CCDC136: variants seen among roughly 807,000 people sequenced by gnomAD.
The protein encoded by CCDC136 is coiled-coil domain-containing protein 136.
A neutral mutation model predicts 141.2 loss-of-function variants in CCDC136; 100 were observed. That is an observed-to-expected ratio of 0.71 (90% confidence interval 0.60 to 0.84). CCDC136 has a LOEUF of 0.84. Ranked by LOEUF, CCDC136 falls within the 40% of genes least tolerant of loss-of-function variation. CCDC136 has a pLI of 0.00. For missense variants in CCDC136, 1,206 were observed against 1,379.4 expected (o/e 0.87, Z 1.99); for synonymous variants, 474 against 531.9 (o/e 0.89, Z 1.50).
chr7:128,806,913 G>A, intron 9 of CCDC136, 55 bp downstream of exon 9: 1 of 1,530,026 alleles, frequency 6.5e-7, no homozygotes, highest in South Asian at 1.3e-5. Flanking sequence ...TTGTGTGAGG[G>A]TGAGAGCACA....
intron 12 of CCDC136, chr7:128,811,194 A>C: frequency 4.8e-6 from 2 of 415,728 alleles, no homozygotes; most frequent in Non-Finnish European, 9.7e-6. Context: ...GGGGCATCAG[A>C]TGTCCAGGCT....
Position 128,810,189 on chromosome 7 carries a change from C to T in CCDC136, c.1851C>T (p.Leu617=), listed in dbSNP as rs751683342. 38 of 1,608,022 alleles carry T rather than the reference C, an allele frequency of 2.4e-5. No individual in the cohort carries two copies. Among genetic ancestry groups the T allele is most frequent in the Non-Finnish European group, 3.1e-5 (36 of 1,177,134 alleles). ...AAGACCTGTGTGAGCTGCAGCTGCTCTACCAAGGCATGCAGGAGGAACAGA... is the reference window on the plus strand; with the variant it reads ...AAGACCTGTGTGAGCTGCAGCTGCTTTACCAAGGCATGCAGGAGGAACAGA... The part of the protein sequence containing the change: ...KLEDLCELQL[L]YQGMQEEQKK... Residue 617 remains leucine, a synonymous_variant, in exon 12 of 18, where the codon CTC becomes CTT. Coordinates refer to ENST00000297788, the MANE Select transcript of CCDC136 (RefSeq NM_022742.5).
chr7:128,806,328 A>G lies in CCDC136; in HGVS notation c.1181A>G (p.Gln394Arg), dbSNP rs138494965. The G allele has an allele frequency of 2.9e-5, 46 of 1,599,684 alleles. No homozygotes were observed. In the African/African-American group the frequency reaches 5.7e-4, roughly 20 times the overall value. The change falls in exon 8 of 18, where the codon CAA (glutamine) becomes CGA (arginine). Residue 394 changes from glutamine to arginine, a missense_variant. By Grantham distance (43) the Gln-to-Arg change is conservative. Transcript: ENST00000297788. ...AACGAGCTCTTGAAGATGCAGCTGC[A>G]ACTTCAGACTGAGCTCCGGCAGCTC... Reference protein sequence around the residue: ...EQNELLKMQLQLQTELRQLKV... With the variant: ...EQNELLKMQLRLQTELRQLKV...
Position 128,804,768 on chromosome 7 carries a change from C to T in CCDC136, c.782+7C>T. The T allele has an allele frequency of 6.4e-7, 1 of 1,552,846 alleles. No individual in the cohort carries two copies. The highest frequency in any genetic ancestry group is 8.8e-7 in the Non-Finnish European group (1 of 1,136,784). ...CAGATCTGGAGAGTGAGAGGTACAG[C>T]TGTCTCTGGAGAGTGAGAGGTCATG... On this transcript the variant is annotated splice_region_variant and intron_variant, in intron 5 of 17. Coordinates refer to ENST00000297788, the MANE Select transcript of CCDC136 (RefSeq NM_022742.5).
intron 4 of CCDC136, among the ~76,000 whole-genome samples, chr7:128,802,843 G>A (rs61012549): frequency 0.15 from 22,740 of 151,934 alleles, 1,900 homozygotes; most frequent in East Asian, 0.22. Flanking sequence ...ATTTAAAGAA[G>A]AAAAAAACCT....
chr7:128,798,737 CAGT>C (rs1214582774), intron 3 of CCDC136, among the ~76,000 whole-genome samples: 1 of 152,090 alleles, frequency 6.6e-6, no homozygotes, highest in East Asian at 1.9e-4. Flanking sequence ...CTGTGCTGCT[CAGT>C]AGTGGGGGTA....
chr7:128,798,440 T>A (rs1471057584), intron 3 of CCDC136, among the ~76,000 whole-genome samples: 1 of 151,790 alleles, frequency 6.6e-6, no homozygotes, highest in African/African-American at 2.4e-5. Context: ...TTAGTAGAGA[T>A]GGGGTTTCGC....
At chr7:128,799,873 C>G (rs1004006427) in intron 3 of CCDC136, among the ~76,000 whole-genome samples, 5 of 152,112 alleles carry the variant, frequency 3.3e-5, no homozygotes, top group Non-Finnish European at 7.4e-5. Context: ...CGTTCTGATC[C>G]CAGATGGGTA....
chr7:128,803,815 CTTTTT>C (rs547570254), intron 4 of CCDC136, among the ~76,000 whole-genome samples: 2 of 135,216 alleles, frequency 1.5e-5, no homozygotes, highest in African/African-American at 2.8e-5. Context: ...GAAAGAATTC[CTTTTT>C]TTTTTTTTTT....
chr7:128,808,545 G>A, intron 10 of CCDC136: 2 of 985,370 alleles, frequency 2.0e-6, no homozygotes, highest in Non-Finnish European at 2.4e-6. Flanking sequence ...GAAATGGAAA[G>A]GTGTTGAAGC....
upstream of CCDC136, chr7:128,791,410 C>A: frequency 2.0e-6 from 2 of 1,018,944 alleles, no homozygotes; most frequent in Non-Finnish European, 2.5e-6. This position sits in a 1 kb window ranked among gnomAD's most constrained non-coding sequence, Gnocchi z 7.1. Context: ...GCCCTCCCTC[C>A]CTCCCTGCGC....
chr7:128,817,916 G>A lies in CCDC136; in HGVS notation c.*5+52G>A. On this transcript the variant is annotated intron_variant, in intron 17 of 17. Transcript: ENST00000297788. The surrounding 1 kb of genome is among the most constrained non-coding windows in gnomAD (Gnocchi z 4.6). ...GAGGGATAGAGGGAGGGTGCAGGTT[G>A]CCCTGGCCTCTCCTCTTTCCCTTTT... 7.3e-7 allele frequency: 1 copy of A among 1,375,740 alleles called. No homozygotes were observed. The highest frequency in any genetic ancestry group is 1.4e-5 in the African/African-American group (1 of 69,724). The allele number at this position is 1,375,740 out of a possible 1,614,324, so 85.2% of individuals were successfully genotyped here.
At chr7:128,811,563 G>A (rs912178232) in intron 12 of CCDC136, among the ~76,000 whole-genome samples, 7 of 152,176 alleles carry the variant, frequency 4.6e-5, no homozygotes, top group African/African-American at 1.4e-4. Flanking sequence ...GAAACCAGCC[G>A]AAATGGGAGC....
In CCDC136 at chr7:128,805,375, G is replaced by C; in HGVS notation, c.799G>C (p.Glu267Gln). Residue 267 changes from glutamate (E) to glutamine (Q), a missense_variant, in exon 6 of 18, where the codon GAG (glutamate) becomes CAG (glutamine). By Grantham distance (29) the Glu-to-Gln change is conservative. Transcript: ENST00000297788. The surrounding 1 kb of genome is among the most constrained non-coding windows in gnomAD (Gnocchi z 4.6). ...LESERTQRATERWLQSQTLSM... is the reference protein window; with the variant it reads ...LESERTQRATQRWLQSQTLSM... ...GAATTGCAGGACACAGAGAGCAACA[G>C]AGAGATGGCTGCAGTCCCAAACACT... 6.2e-7 allele frequency: 1 copy of C among 1,613,908 alleles called. No individual in the cohort carries two copies. The highest frequency in any genetic ancestry group is 8.5e-7 in the Non-Finnish European group (1 of 1,179,886).
chr7:128,803,362 GC>G (rs1804335671), intron 4 of CCDC136, among the ~76,000 whole-genome samples: 1 of 152,166 alleles, frequency 6.6e-6, no homozygotes, highest in African/African-American at 2.4e-5. Context: ...TATCATCACA[GC>G]CTTAAAAGTG....
In CCDC136 at chr7:128,817,788, T is replaced by C; in HGVS notation, c.3394T>C (p.Ser1132Pro). 6.2e-7 allele frequency: 1 copy of C among 1,613,884 alleles called. No individual in the cohort carries two copies. The highest frequency in any genetic ancestry group is 8.5e-7 in the Non-Finnish European group (1 of 1,179,858). ...CCCTACCCCCAATCCCCCCATCTTCTCCTTGCCTCTTGTAGGCCTGGTGGT... is the reference window on the plus strand; with the variant it reads ...CCCTACCCCCAATCCCCCCATCTTCCCCTTGCCTCTTGTAGGCCTGGTGGT... ...SSPTPNPPIF[S>P]LPLVGLVVIS... Residue 1132 changes from serine (S) to proline (P), a missense_variant, in exon 17 of 18, where the codon TCC becomes CCC. Transcript: ENST00000297788. The surrounding 1 kb of genome is among the most constrained non-coding windows in gnomAD (Gnocchi z 4.6).
chr7:128,811,129 C>T (rs372064120), intron 12 of CCDC136: 1 of 344,248 alleles, frequency 2.9e-6, no homozygotes, highest in East Asian at 7.6e-5. Flanking sequence ...TTATTCTGAA[C>T]AAGGAGAACC....
intron 3 of CCDC136, among the ~76,000 whole-genome samples, chr7:128,796,765 G>A (rs1195455924): frequency 2.6e-5 from 3 of 116,436 alleles, no homozygotes; most frequent in East Asian, 2.6e-4. Context: ...TTTTTGAGAC[G>A]GAGTCTCGCT....
At chr7:128,819,286 C>A (rs1375903616) in intron 17 of CCDC136, among the ~76,000 whole-genome samples, 1 of 152,230 alleles carries the variant, frequency 6.6e-6, no homozygotes, top group Non-Finnish European at 1.5e-5. Context: ...GAGGCCCCAA[C>A]ATGCACCTGT....
Sources: gnomAD v4.1 joint callset for allele counts (sites outside exome capture counted in the v4.1 genomes callset) on GRCh38, gnomAD v4.1.1 for gene constraint, Gnocchi (gnomAD v3.1) non-coding constraint, MANE v1.5 for transcripts, NCBI Gene and HGNC (gene_info 2026-07-23, HGNC 2026-07-21) for gene names.